The following AGBL4 variants were observed in gnomAD, a reference collection of about 807,000 sequenced individuals.
AGBL4 encodes the protein AGBL carboxypeptidase 4, also known as cytosolic carboxypeptidase 6.
Under a neutral mutation model 66.4 loss-of-function variants are expected in AGBL4, and 58 were observed. The ratio of observed to expected loss-of-function variants is 0.87; its 90% CI spans 0.71 to 1.09. The LOEUF (loss-of-function observed/expected upper bound fraction) is 1.09, where lower values mean the gene tolerates loss of function less well. Ranked by LOEUF, AGBL4 falls within the 50% of genes least tolerant of loss-of-function variation. The pLI is 0.00. For synonymous variants in AGBL4, 234 were observed against 222.9 expected, an observed-to-expected ratio of 1.05 and a Z score of -0.44; for missense variants, 579 against 631.0, an observed-to-expected ratio of 0.92 and a Z score of 0.88.
chr1:48,663,086 C>G, intron 7 of AGBL4, 66 bp downstream of exon 7: 2 of 1,477,910 alleles, frequency 1.4e-6, no homozygotes. Context: ...CCACACTGTT[C>G]CAGAGATCAT....
At chr1:49,725,787 C>T (rs527445619) in intron 2 of AGBL4, among the ~76,000 whole-genome samples, 108 of 149,178 alleles carry the variant, frequency 7.2e-4, no homozygotes, top group African/African-American at 2.6e-3. Flanking sequence ...TGGGCTCAAG[C>T]AGGCATTCAA....
intron 2 of AGBL4, chr1:49,845,138 CG>C (rs1454101345): frequency 7.2e-7 from 1 of 1,395,700 alleles, no homozygotes; most frequent in African/African-American, 1.4e-5. Context: ...CACCACCGTA[CG>C]CATACAGGAC....
chr1:49,197,350 G>A (rs1269137771), intron 4 of AGBL4, among the ~76,000 whole-genome samples: 1 of 152,190 alleles, frequency 6.6e-6, no homozygotes, highest in Non-Finnish European at 1.5e-5. Flanking sequence ...GAGGTCAAGA[G>A]AAACTTATCT....
rs188082680 is a variant in AGBL4 at position 49,110,038 on chromosome 1, C to T, written c.378-64238G>A. On this transcript the variant is annotated intron_variant, in intron 4 of 13. Coordinates refer to ENST00000371839, the MANE Select transcript of AGBL4 (RefSeq NM_032785.4). Reference sequence around the variant, plus strand: ...ATCTCAGATGTCCATATTGTGTTCTCCAAGTGCAACTTTCAAACTAATTTG... The same window carrying T: ...ATCTCAGATGTCCATATTGTGTTCTTCAAGTGCAACTTTCAAACTAATTTG... Among the ~76,000 whole-genome samples, 45 of 152,302 alleles carry T rather than the reference C, an allele frequency of 3.0e-4. 1 individual carries two copies. Among genetic ancestry groups the T allele is most frequent in the African/African-American group, 1.0e-3 (43 of 41,556 alleles).
chr1:49,939,488 C>A (rs1485654552), intron 1 of AGBL4, among the ~76,000 whole-genome samples: 1 of 151,802 alleles, frequency 6.6e-6, no homozygotes, highest in East Asian at 1.9e-4. Context: ...CAGCATGGTA[C>A]TGGTACCAAA....
chr1:49,845,975 C>A, intron 2 of AGBL4: 3 of 1,574,498 alleles, frequency 1.9e-6, no homozygotes, highest in East Asian at 2.2e-5. Context: ...CAAACATCAG[C>A]GAAACCACAC....
At chr1:49,234,869 G>A (rs1041284989) in intron 4 of AGBL4, among the ~76,000 whole-genome samples, 3 of 152,148 alleles carry the variant, frequency 2.0e-5, no homozygotes, top group African/African-American at 7.2e-5. Context: ...AATTTGGGAC[G>A]GAGTTCTGGC....
At chr1:49,965,209 C>T (rs144295422) in intron 1 of AGBL4, among the ~76,000 whole-genome samples, 5 of 152,276 alleles carry the variant, frequency 3.3e-5, no homozygotes, top group Non-Finnish European at 7.4e-5. Flanking sequence ...TAAGTGAGCA[C>T]CTACATATGC....
intron 9 of AGBL4, among the ~76,000 whole-genome samples, chr1:48,625,090 CTCCTTCCTTCCTTCCTTCCT>C (rs66798647): frequency 0.38 from 53,979 of 140,360 alleles, 11,044 homozygotes; most frequent in Middle Eastern, 0.57. Flanking sequence ...TTTTTTCTTT[CTCCTTCCTTCCTTCCTTCCT>C]TCCTTCCTTC....
intron 4 of AGBL4, among the ~76,000 whole-genome samples, chr1:49,226,128 T>C (rs941821845): frequency 6.6e-6 from 1 of 152,174 alleles, no homozygotes; most frequent in Non-Finnish European, 1.5e-5. Flanking sequence ...TTCTTTCTTG[T>C]CAGTATCTTT....
Position 49,065,883 on chromosome 1 carries a change from G to T in AGBL4, c.378-20083C>A, listed in dbSNP as rs1644483440. Among the ~76,000 whole-genome samples the T allele has an allele frequency of 3.3e-5, 5 of 152,294 alleles. No homozygotes were observed. The South Asian group carries it at 1.0e-3, about 32-fold the overall frequency. ...AGTTCTAGGAGGAATCCTAGTTCTA[G>T]GTGTGGCATTTGGGGAGAACACGGG... On this transcript the variant is annotated intron_variant, in intron 4 of 13. Coordinates refer to ENST00000371839, the MANE Select transcript of AGBL4 (RefSeq NM_032785.4).
chr1:49,976,844 G>C (rs2148375084), intron 1 of AGBL4, among the ~76,000 whole-genome samples: 1 of 152,180 alleles, frequency 6.6e-6, no homozygotes, highest in South Asian at 2.1e-4. Context: ...TCTGACTTTA[G>C]TTCTTCTAAA....
At chr1:49,604,040 AC>A (rs1392100161) in intron 3 of AGBL4, among the ~76,000 whole-genome samples, 1 of 151,954 alleles carries the variant, frequency 6.6e-6, no homozygotes, top group East Asian at 1.9e-4. Context: ...ATAAACATAC[AC>A]ATGTAGTTAT....
At chr1:49,400,476 T>A (rs1050834246) in intron 3 of AGBL4, among the ~76,000 whole-genome samples, 2 of 152,130 alleles carry the variant, frequency 1.3e-5, no homozygotes, top group Non-Finnish European at 2.9e-5. Flanking sequence ...TTGGAGAGTA[T>A]AAACATTTTA....
At chr1:48,589,835 A>G (rs1644884485) in intron 10 of AGBL4, among the ~76,000 whole-genome samples, 2 of 152,252 alleles carry the variant, frequency 1.3e-5, no homozygotes, top group African/African-American at 4.8e-5. Context: ...AACCTCTGTT[A>G]GCAGATGTCT....
At chr1:49,872,162 T>A (rs1646852723) in intron 1 of AGBL4, among the ~76,000 whole-genome samples, 1 of 152,114 alleles carries the variant, frequency 6.6e-6, no homozygotes, top group South Asian at 2.1e-4. Context: ...CAAGAAAATT[T>A]TTTTAAGCTA....
At chr1:48,659,096 G>T (rs1646066555) in intron 7 of AGBL4, among the ~76,000 whole-genome samples, 1 of 152,180 alleles carries the variant, frequency 6.6e-6, no homozygotes, top group Admixed American at 6.5e-5. Flanking sequence ...CTGAAAAGAA[G>T]AGCTGAGAGC....
intron 2 of AGBL4, among the ~76,000 whole-genome samples, chr1:49,761,045 T>A (rs752583641): frequency 2.0e-5 from 3 of 151,292 alleles, no homozygotes; most frequent in Admixed American, 1.3e-4. Context: ...GGGAGGGAAC[T>A]TAGAGGATGG....
chr1:48,962,096 C>CCCATCCATCCAT (rs372705417), intron 5 of AGBL4, among the ~76,000 whole-genome samples: 5,782 of 151,114 alleles, frequency 0.038, 151 homozygotes, highest in Non-Finnish European at 0.051. Flanking sequence ...CTTAAAAGAT[C>CCCATCCATCCAT]CCATCCATCC....
Sources: gnomAD v4.1 joint callset for allele counts (sites outside exome capture counted in the v4.1 genomes callset) on GRCh38, gnomAD v4.1.1 for gene constraint, MANE v1.5 for transcripts, NCBI Gene and HGNC (gene_info 2026-07-23, HGNC 2026-07-21) for gene names.